Variants in ARFGEF1 observed in about 807,000 individuals in gnomAD.
ARFGEF1 encodes brefeldin A-inhibited guanine nucleotide-exchange protein 1.
A neutral mutation model predicts 231.0 loss-of-function variants in ARFGEF1; 42 were observed. The observed-to-expected ratio is 0.18, with a 90% CI of 0.14 to 0.24. The LOEUF is 0.24. Ranked by LOEUF, ARFGEF1 falls within the 10% of genes least tolerant of loss-of-function variation. The pLI, the probability that ARFGEF1 is intolerant of heterozygous loss-of-function variation, is 1.00. For synonymous variants in ARFGEF1, 710 were observed against 732.3 expected, an observed-to-expected ratio of 0.97 and a Z score of 0.49; for missense variants, 1,345 against 2,192.0, an observed-to-expected ratio of 0.61 and a Z score of 7.72.
intron 1 of ARFGEF1, among the ~76,000 whole-genome samples, chr8:67,315,865 A>G (rs1430428211): frequency 6.6e-6 from 1 of 152,120 alleles, no homozygotes; most frequent in Non-Finnish European, 1.5e-5. Flanking sequence ...TACAGCACTT[A>G]ATACTTCATT....
At chr8:67,261,506 C>T (rs566323478) in intron 14 of ARFGEF1, among the ~76,000 whole-genome samples, 2 of 152,144 alleles carry the variant, frequency 1.3e-5, no homozygotes, top group Non-Finnish European at 2.9e-5. Flanking sequence ...TATTTGAAGC[C>T]CACTGTTGAG....
chr8:67,223,608 A>G (rs529176464), intron 29 of ARFGEF1, among the ~76,000 whole-genome samples: 2 of 152,312 alleles, frequency 1.3e-5, no homozygotes, highest in East Asian at 3.9e-4. Context: ...TAACTAGAAC[A>G]CACACAACCT....
chr8:67,266,743 T>C, intron 13 of ARFGEF1, 133 bp downstream of exon 13: 1 of 581,992 alleles, frequency 1.7e-6, no homozygotes, highest in Non-Finnish European at 2.8e-6. Context: ...GACATTTAAC[T>C]CACAGAGAAT....
intron 37 of ARFGEF1, 60 bp from the exon 38 acceptor site, chr8:67,200,573 C>T (rs1445434841): frequency 5.0e-6 from 5 of 1,004,748 alleles, no homozygotes; most frequent in African/African-American, 1.6e-5. Flanking sequence ...CCATATTCAC[C>T]GAGAAAGAGC....
At chr8:67,183,139 A>C (rs1425362267) in intron 5 of ARFGEF1, among the ~76,000 whole-genome samples, 2 of 152,234 alleles carry the variant, frequency 1.3e-5, no homozygotes, top group African/African-American at 4.8e-5. Context: ...CTAACCACAG[A>C]GTGTCAAAAT....
At chr8:67,339,886 G>A (rs1230001822) in intron 1 of ARFGEF1, among the ~76,000 whole-genome samples, 1 of 144,388 alleles carries the variant, frequency 6.9e-6, no homozygotes, top group Non-Finnish European at 1.5e-5. Context: ...CATTAACTCT[G>A]CATCCCTTTA....
At chr8:67,203,875 C>T (rs1480606653) in intron 35 of ARFGEF1, among the ~76,000 whole-genome samples, 1 of 152,146 alleles carries the variant, frequency 6.6e-6, no homozygotes, top group African/African-American at 2.4e-5. Flanking sequence ...AACCCATCCC[C>T]CAGCCCTCCC....
intron 1 of ARFGEF1, among the ~76,000 whole-genome samples, chr8:67,310,243 G>C (rs1008828947): frequency 6.7e-6 from 1 of 150,180 alleles, no homozygotes; most frequent in Non-Finnish European, 1.5e-5. Flanking sequence ...GAGTGCCTGC[G>C]ATTGCAGGCA....
chr8:67,328,586 T>C (rs575962404), intron 1 of ARFGEF1, among the ~76,000 whole-genome samples: 1 of 152,360 alleles, frequency 6.6e-6, no homozygotes, highest in South Asian at 2.1e-4. Context: ...TTCTCTCTCA[T>C]CCTTTTAGCT....
At chr8:67,309,138 G>A (rs1478296303) in intron 1 of ARFGEF1, among the ~76,000 whole-genome samples, 1 of 152,132 alleles carries the variant, frequency 6.6e-6, no homozygotes, top group African/African-American at 2.4e-5. Flanking sequence ...AAAAATGGAA[G>A]ATACTACGCT....
At chr8:67,343,093 A>AGCAGCCCCCCCCCCCCCCCCCC in intron 1 of ARFGEF1, 71 bp downstream of exon 1, 1 of 184,674 alleles carries the variant, frequency 5.4e-6, no homozygotes, top group Non-Finnish European at 1.0e-5. Context: ...GGGCGACCCC[A>AGCAGCCCCCCCCCCCCCCCCCC]CCCCCCCACA....
chr8:67,190,294 C>A (rs896092398), intron 5 of ARFGEF1, among the ~76,000 whole-genome samples: 1 of 152,128 alleles, frequency 6.6e-6, no homozygotes, highest in Admixed American at 6.5e-5. Context: ...ATCTCAAACA[C>A]CTTATTGCTA....
At chr8:67,303,701 G>A (rs1341796306) in intron 1 of ARFGEF1, among the ~76,000 whole-genome samples, 1 of 150,852 alleles carries the variant, frequency 6.6e-6, no homozygotes, top group African/African-American at 2.4e-5. Context: ...GCGACAGAGT[G>A]AGACTCCATC....
At chr8:67,269,647 G>A (rs759620743) in intron 10 of ARFGEF1, among the ~76,000 whole-genome samples, 3 of 151,674 alleles carry the variant, frequency 2.0e-5, no homozygotes, top group Non-Finnish European at 2.9e-5. Flanking sequence ...CACTGTGCCC[G>A]GTGCTCAACT....
At chr8:67,286,928 T>C (rs1378363776) in intron 7 of ARFGEF1, among the ~76,000 whole-genome samples, 1 of 152,178 alleles carries the variant, frequency 6.6e-6, no homozygotes, top group Non-Finnish European at 1.5e-5. Flanking sequence ...ATACCAAAAG[T>C]AAATAAGTGC....
intron 1 of ARFGEF1, among the ~76,000 whole-genome samples, chr8:67,332,243 A>G (rs935408468): frequency 7.9e-5 from 12 of 152,198 alleles, no homozygotes; most frequent in African/African-American, 2.7e-4. Flanking sequence ...CTTATTGGTA[A>G]TTTCACATAA....
In ARFGEF1 at chr8:67,263,969, CA is replaced by C. The variant is rs1278646181; in HGVS notation, c.2123+2036del. Among the ~76,000 whole-genome samples, 4 of 151,988 alleles carry C rather than the reference CA, an allele frequency of 2.6e-5. No individual in the cohort carries two copies. In the East Asian group the frequency reaches 5.8e-4, roughly 22 times the overall value. On this transcript the variant is annotated intron_variant, in intron 14 of 38. Transcript: ENST00000262215. Reference sequence around the variant, plus strand: ...GAGAGGAAGAAGCCATACTAAAACACAAAAGCACAAGACAGTATTATATAAT... The same window carrying C: ...GAGAGGAAGAAGCCATACTAAAACACAAAGCACAAGACAGTATTATATAAT...
At chr8:67,206,483 A>G (rs1270014880) in intron 34 of ARFGEF1, among the ~76,000 whole-genome samples, 2 of 152,068 alleles carry the variant, frequency 1.3e-5, no homozygotes, top group African/African-American at 2.4e-5. Flanking sequence ...CAAAGTAACA[A>G]AAGTGCCACC....
chr8:67,312,644 A>C (rs940591687), intron 1 of ARFGEF1, among the ~76,000 whole-genome samples: 3 of 152,248 alleles, frequency 2.0e-5, no homozygotes, highest in Non-Finnish European at 4.4e-5. Flanking sequence ...AAGTGTAAAA[A>C]TATGGAAACA....
Sources: gnomAD v4.1 joint callset for allele counts (sites outside exome capture counted in the v4.1 genomes callset) on GRCh38, gnomAD v4.1.1 for gene constraint, MANE v1.5 for transcripts, NCBI Gene and HGNC (gene_info 2026-07-23, HGNC 2026-07-21) for gene names.